PARP15: variants seen among roughly 807,000 people sequenced by gnomAD.
PARP15 encodes the protein protein mono-ADP-ribosyltransferase PARP15.
PARP15 carries 50 observed loss-of-function variants against 62.1 expected under a neutral mutation model. That is an observed-to-expected ratio of 0.81 (90% CI 0.64 to 1.02). PARP15 has a LOEUF of 1.02. PARP15 is among the 50% of genes least tolerant of loss of function. PARP15 has a pLI of 0.00. For missense variants in PARP15, 820 were observed against 826.5 expected (o/e 0.99, Z 0.10); for synonymous variants, 309 against 293.1 (o/e 1.05, Z -0.55).
At chr3:122,612,774 G>C (rs937345736) in intron 3 of PARP15, among the ~76,000 whole-genome samples, 6 of 151,910 alleles carry the variant, frequency 3.9e-5, no homozygotes, top group Non-Finnish European at 8.8e-5. Flanking sequence ...TGTTGTTAAA[G>C]ACTCTTCATA....
Position 122,613,021 on chromosome 3 carries a change from A to G in PARP15, c.544-20A>G, listed in dbSNP as rs981125739. On this transcript the variant is annotated intron_variant, in intron 3 of 11. Coordinates refer to ENST00000464300, the MANE Select transcript of PARP15 (RefSeq NM_001113523.3). Reference sequence around the variant, plus strand: ...CTAGCTTAAGCCCTAACTTATGTAAATGTACTTTGCACATTTCAGATCATG... The same window carrying G: ...CTAGCTTAAGCCCTAACTTATGTAAGTGTACTTTGCACATTTCAGATCATG... 29 of 1,538,592 alleles carry G rather than the reference A, an allele frequency of 1.9e-5. No individual in the cohort carries two copies. The highest frequency in any genetic ancestry group is 2.3e-5 in the Non-Finnish European group (26 of 1,135,100).
intron 1 of PARP15, among the ~76,000 whole-genome samples, chr3:122,589,109 T>G (rs1335254501): frequency 6.6e-6 from 1 of 152,198 alleles, no homozygotes; most frequent in Non-Finnish European, 1.5e-5. Context: ...TGAACTTTTT[T>G]TCTCATAGTC....
intron 8 of PARP15, among the ~76,000 whole-genome samples, chr3:122,626,073 G>A (rs1277869704): frequency 1.3e-5 from 2 of 152,126 alleles, no homozygotes; most frequent in Non-Finnish European, 2.9e-5. Context: ...AAGTAAGTGG[G>A]GCTTTTCTCT....
chr3:122,583,715 G>A lies in PARP15; in HGVS notation c.186+5862G>A, dbSNP rs1559920477. ...CTATAATTAATTTTTCCACCATGGA[G>A]GCAAAACCCTTCTGAATGCTTTACC... On this transcript the variant is annotated intron_variant, in intron 1 of 11. Transcript: ENST00000464300. Among the ~76,000 whole-genome samples the A allele has an allele frequency of 4.6e-5, 7 of 152,270 alleles. No individual in the cohort carries two copies. In the South Asian group the frequency reaches 1.5e-3, roughly 32 times the overall value.
intron 1 of PARP15, among the ~76,000 whole-genome samples, chr3:122,585,467 A>G (rs1014789588): frequency 6.6e-5 from 10 of 152,196 alleles, no homozygotes; most frequent in African/African-American, 2.2e-4. Context: ...GGATCCTGTT[A>G]TGGAGTGACA....
intron 1 of PARP15, among the ~76,000 whole-genome samples, chr3:122,596,050 G>A (rs1405872459): frequency 2.0e-5 from 3 of 151,424 alleles, no homozygotes; most frequent in African/African-American, 7.3e-5. Context: ...TCCATACCTG[G>A]TTGTCTAAAA....
At chr3:122,605,012 G>T (rs1268453295) in intron 1 of PARP15, among the ~76,000 whole-genome samples, 1 of 152,124 alleles carries the variant, frequency 6.6e-6, no homozygotes, top group Non-Finnish European at 1.5e-5. Flanking sequence ...CTGCAGCCTA[G>T]GTGACAGAGC....
At chr3:122,632,245 T>G in intron 10 of PARP15, 26 bp downstream of exon 10, 1 of 1,601,592 alleles carries the variant, frequency 6.2e-7, no homozygotes, top group Non-Finnish European at 8.5e-7. Flanking sequence ...AATTTACTGT[T>G]CAAAAATGTT....
In PARP15 at chr3:122,635,919, G is replaced by A. The variant is rs140321914; in HGVS notation, c.1856G>A (p.Arg619Gln). ...GGGAGAAAGCACATGTACGTTGTGCGAGTACTTACTGGAGTCTTCACAAAG... is the reference window on the plus strand; with the variant it reads ...GGGAGAAAGCACATGTACGTTGTGCAAGTACTTACTGGAGTCTTCACAAAG... ...SNGRKHMYVV[R>Q]VLTGVFTKGR... The change falls in exon 12 of 12, where the codon CGA becomes CAA. Residue 619 changes from arginine to glutamine, a missense_variant. Arg to Gln is a conservative substitution (Grantham distance 43). Coordinates refer to ENST00000464300, the MANE Select transcript of PARP15 (RefSeq NM_001113523.3). The A allele has an allele frequency of 1.1e-4, 171 of 1,614,050 alleles. No individual in the cohort carries two copies. In the African/African-American group the frequency reaches 1.6e-3, roughly 15 times the overall value.
At chr3:122,624,529 T>A (rs908592483) in intron 8 of PARP15, among the ~76,000 whole-genome samples, 6 of 152,212 alleles carry the variant, frequency 3.9e-5, no homozygotes, top group Non-Finnish European at 7.4e-5. Flanking sequence ...GAAGCTTAAG[T>A]GATCAGACTT....
chr3:122,631,178 A>G (rs1176792508), intron 9 of PARP15, among the ~76,000 whole-genome samples: 1 of 152,238 alleles, frequency 6.6e-6, no homozygotes, highest in Admixed American at 6.5e-5. Context: ...GGAGATGGAC[A>G]GTGGGGAAAG....
chr3:122,596,495 T>G (rs1934368740), intron 1 of PARP15, among the ~76,000 whole-genome samples: 1 of 152,144 alleles, frequency 6.6e-6, no homozygotes, highest in Non-Finnish European at 1.5e-5. Context: ...ATCCTCCTAG[T>G]TGCTCAGACC....
intron 1 of PARP15, among the ~76,000 whole-genome samples, chr3:122,603,002 A>G (rs145565637): frequency 1.0e-3 from 154 of 152,218 alleles, no homozygotes; most frequent in Non-Finnish European, 1.7e-3. Flanking sequence ...AAATATTACC[A>G]TTTGGTTTTG....
At chr3:122,601,520 G>A (rs1934794555) in intron 1 of PARP15, among the ~76,000 whole-genome samples, 2 of 152,130 alleles carry the variant, frequency 1.3e-5, no homozygotes, top group African/African-American at 2.4e-5. Flanking sequence ...TATACAGTAT[G>A]TAGCCTTTTC....
rs747039553 is a variant in PARP15, at chr3:122,613,814, C to CTTTT, written c.771+568_771+571dup. On this transcript the variant is annotated intron_variant, in intron 4 of 11. Coordinates refer to ENST00000464300, the MANE Select transcript of PARP15 (RefSeq NM_001113523.3). Reference sequence around the variant, plus strand: ...GGTGACATACCTCTCTGAATCTCAGCTTTTTTTTTTTTTTTTTTTTTTTTT... The same window carrying CTTTT: ...GGTGACATACCTCTCTGAATCTCAGCTTTTTTTTTTTTTTTTTTTTTTTTTTTTT... Among the ~76,000 whole-genome samples the CTTTT allele has an allele frequency of 1.3e-3, 117 of 90,782 alleles. 1 individual carries two copies. Among genetic ancestry groups the CTTTT allele is most frequent in the African/African-American group, 1.9e-3 (43 of 22,442 alleles). 59.6% of individuals were successfully genotyped at this position (90,782 alleles called of 152,430 possible).
rs753420455 is a variant in PARP15 at position 122,619,781 on chromosome 3, G to C, written c.1001G>C (p.Gly334Ala). 3.7e-6 allele frequency: 6 copies of C among 1,609,928 alleles called. No homozygotes were observed. In the East Asian group the frequency reaches 1.3e-4, roughly 36 times the overall value. The change falls in exon 7 of 12, where the codon GGT becomes GCT. Residue 334 changes from glycine (G) to alanine (A), a missense_variant and splice_region_variant. Gly to Ala is a moderately conservative substitution (Grantham distance 60). Around this residue, in one of 3 missense-constraint regions of PARP15, gnomAD observed 731 missense variants for 727.7 expected, o/e 1.00. Coordinates refer to ENST00000464300, the MANE Select transcript of PARP15 (RefSeq NM_001113523.3). ...STARTFNRKS[G>A]VSRAILEGAG... ...TTTACCATTAACATGTCTTATTTAG[G>C]TGTGTCAAGAGCTATTTTAGAAGGT...
At chr3:122,579,993 C>CTATATG (rs147893283) in intron 1 of PARP15, among the ~76,000 whole-genome samples, 1 of 70,828 alleles carries the variant, frequency 1.4e-5, no homozygotes, top group Non-Finnish European at 3.0e-5. Flanking sequence ...ACAACAGCAA[C>CTATATG]TATATGTATA....
chr3:122,617,869 C>T (rs1373115514), intron 6 of PARP15, among the ~76,000 whole-genome samples: 1 of 152,168 alleles, frequency 6.6e-6, no homozygotes, highest in Non-Finnish European at 1.5e-5. Context: ...GCTGGGACTA[C>T]AGGCATGTGC....
Position 122,577,828 on chromosome 3 carries a change from C to G in PARP15, c.161C>G (p.Ser54Cys), listed in dbSNP as rs961996900. 1.5e-5 allele frequency: 24 copies of G among 1,549,968 alleles called. No individual in the cohort carries two copies. The highest frequency in any genetic ancestry group is 2.7e-5 in the African/African-American group (2 of 72,960). Residue 54 changes from serine (S) to cysteine (C), a missense_variant, in exon 1 of 12, where the codon TCC becomes TGC. By Grantham distance (112) the Ser-to-Cys change is moderately radical. Around this residue, in one of 3 missense-constraint regions of PARP15, gnomAD observed 731 missense variants for 727.7 expected, o/e 1.00. Coordinates refer to ENST00000464300, the MANE Select transcript of PARP15 (RefSeq NM_001113523.3). ...PAGNRGARKASRRSSSRSMSR... is the reference protein window; with the variant it reads ...PAGNRGARKACRRSSSRSMSR... ...GGGAACCGTGGGGCGCGGAAGGCCT[C>G]CCGGCGCTCTTCCTCCCGGAGTATG...
Sources: allele counts gnomAD v4.1 joint callset (sites outside exome capture counted in the v4.1 genomes callset), GRCh38; gene constraint gnomAD v4.1.1; regional missense constraint gnomAD v4.1.1; transcripts MANE v1.5; gene names NCBI Gene and HGNC (gene_info 2026-07-23, HGNC 2026-07-21).